The following RS1 variants were observed in gnomAD, a reference collection of about 807,000 sequenced individuals.
RS1 encodes retinoschisin 1.
Under a neutral mutation model 20.8 loss-of-function variants are expected in RS1, and 2 were observed. The observed-to-expected ratio is 0.10, with a 90% CI of 0.04 to 0.30. The LOEUF is 0.30. Among genes scored for constraint, RS1 ranks in the 10% least tolerant of loss-of-function variants. RS1 has a pLI of 1.00. For synonymous variants in RS1, 70 were observed against 75.8 expected (o/e 0.92, Z 0.40); for missense variants, 151 against 189.8 (o/e 0.80, Z 1.20).
chrX:18,647,510 G>GAAAGGAATGAAGGATGAAGT, intron 3 of RS1, 178 bp from the exon 4 acceptor site: 1 of 474,619 alleles, frequency 2.1e-6, no homozygotes, highest in Non-Finnish European at 3.7e-6. Flanking sequence ...ACTCACGCAA[G>GAAAGGAATGAAGGATGAAGT]AAAGGAATGA....
intron 1 of RS1, among the ~76,000 whole-genome samples, chrX:18,671,108 G>A (rs111566347): frequency 3.6e-5 from 4 of 112,045 alleles, no homozygotes; most frequent in Non-Finnish European, 5.6e-5. Flanking sequence ...ACAGTGAGCC[G>A]TGAAACCAAG....
At chrX:18,648,611 C>T (rs1414780690) in intron 3 of RS1, among the ~76,000 whole-genome samples, 1 of 111,683 alleles carries the variant, frequency 9.0e-6, no homozygotes, top group African/African-American at 3.3e-5. Flanking sequence ...GAATAAAGGG[C>T]CTTTCCCAGC....
At chrX:18,652,952 C>A (rs1413262524) in intron 3 of RS1, among the ~76,000 whole-genome samples, 5 of 112,457 alleles carry the variant, frequency 4.4e-5, no homozygotes, top group African/African-American at 1.6e-4. Context: ...AGTTTGTAGG[C>A]AGGCTTATAA....
intron 4 of RS1, 132 bp downstream of exon 4, chrX:18,647,059 G>A: frequency 1.4e-6 from 1 of 707,764 alleles, no homozygotes; most frequent in Non-Finnish European, 2.1e-6. Flanking sequence ...TGGGATTACA[G>A]GCACGTGCCA....
chrX:18,652,210 A>G (rs1468608599), intron 3 of RS1, among the ~76,000 whole-genome samples: 1 of 111,398 alleles, frequency 9.0e-6, no homozygotes. Context: ...CCATCGCCCC[A>G]TCTTGGGTGG....
At chrX:18,643,776 G>A (rs1009965640) in intron 5 of RS1, among the ~76,000 whole-genome samples, 1 of 110,312 alleles carries the variant, frequency 9.1e-6, no homozygotes, top group African/African-American at 3.3e-5. Context: ...GCAAAAGGAT[G>A]TTTACCATTT....
rs926747589 is a variant in RS1, at chrX:18,640,666, G to T, written c.*1338C>A. 1 of 112,294 alleles carries T rather than the reference G, an allele frequency of 8.9e-6. No individual in the cohort carries two copies. Among genetic ancestry groups the T allele is most frequent in the Non-Finnish European group, 1.9e-5 (1 of 53,242 alleles). 9.3% of individuals were successfully genotyped at this position (112,294 alleles called of 1,213,427 possible). ...GTTGTCCAGCACTGTATTAGCGCGA[G>T]TCTAGTCACTTGCCTTGGCATTTGA... is the stretch of plus-strand genomic sequence containing the variant. On this transcript the variant is annotated 3_prime_UTR_variant, in exon 6 of 6. Coordinates refer to ENST00000379984, the MANE Select transcript of RS1 (RefSeq NM_000330.4).
In RS1 at chrX:18,647,205, G is replaced by A; in HGVS notation, c.312C>T (p.Asn104=). Reference sequence around the variant, plus strand: ...GCCCTGCTTACCCAAAGCCTTGACTGTTGAGCCGGGCCTTGTTTGCAGTCC... The same window carrying A: ...GCCCTGCTTACCCAAAGCCTTGACTATTGAGCCGGGCCTTGTTTGCAGTCC... ...SSWTANKARL[N]SQGFGCAWLS... The change falls in exon 4 of 6, where the codon AAC becomes AAT. Residue 104 remains asparagine, a synonymous_variant. Coordinates refer to ENST00000379984, the MANE Select transcript of RS1 (RefSeq NM_000330.4). 8.3e-7 allele frequency: 1 copy of A among 1,211,025 alleles called. No homozygotes were observed. The highest frequency in any genetic ancestry group is 1.1e-6 in the Non-Finnish European group (1 of 895,368).
At chrX:18,647,512 A>C in intron 3 of RS1, 180 bp from the exon 4 acceptor site, 2 of 469,877 alleles carry the variant, frequency 4.3e-6, no homozygotes, top group South Asian at 6.2e-5. Flanking sequence ...TCACGCAAGA[A>C]AGGAATGAAG....
intron 3 of RS1, chrX:18,653,513 ACCATGAG>A: frequency 8.3e-7 from 1 of 1,211,781 alleles, no homozygotes; most frequent in Non-Finnish European, 1.1e-6. Flanking sequence ...CTCCTGACAT[ACCATGAG>A]AATGCGGCAC....
In RS1 at chrX:18,653,434, T is replaced by A. The variant is rs1928132748; in HGVS notation, c.184+3219A>T. 1 of 1,208,995 alleles carries A rather than the reference T, an allele frequency of 8.3e-7. No homozygotes were observed. Among genetic ancestry groups the A allele is most frequent in the Admixed American group, 2.2e-5 (1 of 45,686 alleles). On this transcript the variant is annotated intron_variant, in intron 3 of 5. Coordinates refer to ENST00000379984, the MANE Select transcript of RS1 (RefSeq NM_000330.4). ...CGCTGTCCTTCTGTGCTTTCCAGGG[T>A]TCTCTTTCTTCGTGAGACACGTTAT...
Position 18,640,017 on chromosome X carries a change from G to A in RS1, c.*1987C>T, listed in dbSNP as rs1315891949. On this transcript the variant is annotated 3_prime_UTR_variant, in exon 6 of 6. Coordinates refer to ENST00000379984, the MANE Select transcript of RS1 (RefSeq NM_000330.4). ...CTTGGGGTGGCCGATGGGTTGGGGA[G>A]TGTTGGCTGATGGGTGCAGGATTTC... 1 of 111,826 alleles carries A rather than the reference G, an allele frequency of 8.9e-6. No individual in the cohort carries two copies. The highest frequency in any genetic ancestry group is 3.3e-5 in the African/African-American group (1 of 30,705). 9.2% of individuals were successfully genotyped at this position (111,826 alleles called of 1,213,427 possible). A position where few individuals can be genotyped will look rare whatever the true frequency, so the allele number is the denominator to read the frequency against.
chrX:18,648,568 C>T (rs2043379354), intron 3 of RS1, among the ~76,000 whole-genome samples: 1 of 111,567 alleles, frequency 9.0e-6, no homozygotes. Flanking sequence ...CTAAAGAGCT[C>T]TCCTTTTATT....
chrX:18,655,857 G>C lies in RS1; in HGVS notation c.184+796C>G, dbSNP rs768186403. Among the ~76,000 whole-genome samples, 383 of 110,878 alleles carry C rather than the reference G, an allele frequency of 3.5e-3. 2 individuals are homozygous for C. The highest frequency in any genetic ancestry group is 0.028 in the Middle Eastern group (6 of 216). On this transcript the variant is annotated intron_variant, in intron 3 of 5. Coordinates refer to ENST00000379984, the MANE Select transcript of RS1 (RefSeq NM_000330.4). ...CTCCATTGGACAGACAAGGAAAAAA[G>C]TGGCAGTCCCAGAGTTCAGATGTGA...
chrX:18,657,876 G>A (rs757005149), intron 1 of RS1, among the ~76,000 whole-genome samples: 90 of 111,815 alleles, frequency 8.0e-4, no homozygotes, highest in African/African-American at 2.8e-3. Context: ...GAAAGAACAA[G>A]ATCATCATTA....
At chrX:18,662,109 A>C (rs1171853373) in intron 1 of RS1, among the ~76,000 whole-genome samples, 1 of 112,256 alleles carries the variant, frequency 8.9e-6, no homozygotes, top group Non-Finnish European at 1.9e-5. Flanking sequence ...TGAAGCAGGA[A>C]GCAGGCTCTC....
chrX:18,665,514 T>C (rs1928390566), intron 1 of RS1, among the ~76,000 whole-genome samples: 1 of 110,920 alleles, frequency 9.0e-6, no homozygotes, highest in South Asian at 3.8e-4. Context: ...ATAGAATTTC[T>C]TTGCCTCAAA....
At chrX:18,647,381 A>C in intron 3 of RS1, 49 bp from the exon 4 acceptor site, 1 of 1,176,649 alleles carries the variant, frequency 8.5e-7, no homozygotes, top group Non-Finnish European at 1.2e-6. Flanking sequence ...AATACTCAAC[A>C]AGCACCAGGT....
At chrX:18,653,669 G>A in intron 3 of RS1, 1 of 999,215 alleles carries the variant, frequency 1.0e-6, no homozygotes, top group Non-Finnish European at 1.4e-6. Flanking sequence ...TATCTGTGTT[G>A]TTAAGATCAA....
Sources: allele counts gnomAD v4.1 joint callset (sites outside exome capture counted in the v4.1 genomes callset), GRCh38; gene constraint gnomAD v4.1.1; transcripts MANE v1.5; gene names NCBI Gene and HGNC (gene_info 2026-07-23, HGNC 2026-07-21).